XRCC1: variants seen among roughly 807,000 people sequenced by gnomAD.
XRCC1 encodes X-ray repair cross complementing 1.
Under a neutral mutation model 83.3 loss-of-function variants are expected in XRCC1, and 52 were observed. The observed-to-expected ratio is 0.62, with a 90% CI of 0.50 to 0.79. The LOEUF is 0.79. XRCC1 is among the 30% of genes least tolerant of loss of function. The pLI is 0.00. For missense variants in XRCC1, 793 were observed against 823.5 expected, an observed-to-expected ratio of 0.96 and a Z score of 0.45; for synonymous variants, 281 against 312.6, an observed-to-expected ratio of 0.90 and a Z score of 1.07.
rs768874981 is a variant in XRCC1, at chr19:43,553,398, C to T, written c.601+3G>A. On this transcript the variant is annotated splice_donor_region_variant and intron_variant, in intron 6 of 16. Transcript: ENST00000262887. ...ACTCAGGACCCACGTTGTCCGAGCT[C>T]ACCTGGGGATGTCTTGTTGATCCGG... The T allele has an allele frequency of 1.9e-6, 3 of 1,613,926 alleles. No homozygotes were observed. The highest frequency in any genetic ancestry group is 2.5e-6 in the Non-Finnish European group (3 of 1,179,948).
intron 14 of XRCC1, among the ~76,000 whole-genome samples, 192 bp from the exon 15 acceptor site, chr19:43,544,426 G>A (rs1600039839): frequency 1.3e-5 from 2 of 152,204 alleles, no homozygotes; most frequent in Middle Eastern, 3.4e-3. Flanking sequence ...TGGTTGGTTG[G>A]TTTGCTTTAA....
chr19:43,553,357 G>T (rs767048274), intron 6 of XRCC1, 44 bp downstream of exon 6: 15 of 1,600,460 alleles, frequency 9.4e-6, no homozygotes, highest in Non-Finnish European at 1.3e-5. Flanking sequence ...CACGAGTCTA[G>T]GTCTCAACCC....
intron 3 of XRCC1, 168 bp from the exon 4 acceptor site, chr19:43,554,972 GTCCT>G: frequency 1.5e-6 from 1 of 646,772 alleles, no homozygotes; most frequent in Non-Finnish European, 2.5e-6. Flanking sequence ...CCTTGAGTCA[GTCCT>G]GCCCTGACAC....
intron 2 of XRCC1, among the ~76,000 whole-genome samples, chr19:43,572,288 C>T (rs919135701): frequency 1.3e-5 from 2 of 149,954 alleles, no homozygotes; most frequent in African/African-American, 4.9e-5. Flanking sequence ...AAATCCCTCC[C>T]TCTACACAAA....
intron 2 of XRCC1, among the ~76,000 whole-genome samples, chr19:43,565,742 C>T (rs1436653828): frequency 6.6e-6 from 1 of 152,118 alleles, no homozygotes; most frequent in Non-Finnish European, 1.5e-5. Flanking sequence ...TCGAGACCAG[C>T]CTGGCCAACA....
intron 4 of XRCC1, 149 bp downstream of exon 4, chr19:43,554,497 T>C: frequency 9.6e-7 from 1 of 1,040,376 alleles, no homozygotes; most frequent in Non-Finnish European, 1.4e-6. Flanking sequence ...CCCAAACCCA[T>C]TTCAGGGAAC....
chr19:43,559,767 T>A (rs1415342971), intron 3 of XRCC1, among the ~76,000 whole-genome samples: 1 of 151,994 alleles, frequency 6.6e-6, no homozygotes, highest in Non-Finnish European at 1.5e-5. Flanking sequence ...GTAGGCCAAG[T>A]GTCATCATAA....
At chr19:43,567,460 C>T (rs982289692) in intron 2 of XRCC1, among the ~76,000 whole-genome samples, 1 of 151,984 alleles carries the variant, frequency 6.6e-6, no homozygotes. Flanking sequence ...TACAGGCACG[C>T]ACCACCACCC....
rs561948397 is a variant in XRCC1 at position 43,544,303 on chromosome 19, C to T, written c.1622-69G>A. The T allele has an allele frequency of 1.2e-5, 16 of 1,372,156 alleles. No homozygotes were observed. The East Asian group carries it at 3.2e-4, about 27-fold the overall frequency. The allele number at this position is 1,372,156 out of a possible 1,614,324, so 85.0% of individuals were successfully genotyped here. A position where few individuals can be genotyped will look rare whatever the true frequency, so the allele number is the denominator to read the frequency against. On this transcript the variant is annotated intron_variant, in intron 14 of 16. Transcript: ENST00000262887. ...GTTCCCAGGCACCAAACAGGAGTGA[C>T]GAGGCTGACCCAGCAGCTGAGGAGA...
intron 2 of XRCC1, among the ~76,000 whole-genome samples, chr19:43,571,462 T>C (rs1294814772): frequency 6.6e-6 from 1 of 152,180 alleles, no homozygotes; most frequent in African/African-American, 2.4e-5. Flanking sequence ...ACTGACTCAT[T>C]TGTCAGTCTT....
At chr19:43,567,559 G>A (rs911970658) in intron 2 of XRCC1, among the ~76,000 whole-genome samples, 14 of 152,212 alleles carry the variant, frequency 9.2e-5, no homozygotes, top group African/African-American at 2.9e-4. Flanking sequence ...CAATCCACCC[G>A]CCTTGGCCTC....
chr19:43,551,635 G>A lies in XRCC1; in HGVS notation c.1135C>T (p.Arg379Cys), dbSNP rs753502477. The A allele has an allele frequency of 1.4e-5, 22 of 1,614,102 alleles. No individual in the cohort carries two copies. The highest frequency in any genetic ancestry group is 2.2e-5 in the East Asian group (1 of 44,888). Residue 379 changes from arginine to cysteine, a missense_variant, in exon 10 of 17, where the codon CGC (arginine) becomes TGC (cysteine). Coordinates refer to ENST00000262887, the MANE Select transcript of XRCC1 (RefSeq NM_006297.3). The part of the protein sequence containing the change: ...KYSQVLGLGG[R>C]IVRKEWVLDC... ...AGCACCCACTCCTTACGCACGATGCGGCCTCCCAGGCCTAGGACCTGGCTG... is the reference window on the plus strand; with the variant it reads ...AGCACCCACTCCTTACGCACGATGCAGCCTCCCAGGCCTAGGACCTGGCTG...
At chr19:43,562,058 A>G (rs1364497326) in intron 2 of XRCC1, among the ~76,000 whole-genome samples, 1 of 150,424 alleles carries the variant, frequency 6.6e-6, no homozygotes, top group Non-Finnish European at 1.5e-5. Flanking sequence ...AGGCACAAGA[A>G]TCTCTTGAAC....
intron 4 of XRCC1, among the ~76,000 whole-genome samples, chr19:43,554,168 T>C (rs1972611746): frequency 6.6e-6 from 1 of 152,182 alleles, no homozygotes. Flanking sequence ...CTTTAGTGTG[T>C]GGCATCATCA....
chr19:43,544,512 CTT>C (rs535098707), intron 14 of XRCC1, among the ~76,000 whole-genome samples: 1 of 145,906 alleles, frequency 6.9e-6, no homozygotes. Flanking sequence ...CTCTCTCTCT[CTT>C]TTTTTTTTTT....
intron 2 of XRCC1, chr19:43,574,669 G>A (rs2146076305): frequency 2.0e-6 from 1 of 493,024 alleles, no homozygotes; most frequent in East Asian, 3.3e-5. Flanking sequence ...CTGGAACCCA[G>A]AAAGTAGATG....
At chr19:43,570,169 G>A (rs1443254098) in intron 2 of XRCC1, among the ~76,000 whole-genome samples, 1 of 152,196 alleles carries the variant, frequency 6.6e-6, no homozygotes, top group Non-Finnish European at 1.5e-5. Flanking sequence ...CGAACTGAGT[G>A]ATTAGAAAAC....
In XRCC1 at chr19:43,543,599, C is replaced by G. The variant is rs1972477587; in HGVS notation, c.1788+13G>C. ...TGCCCGGGTCTCCCATTCTCTGCCT[C>G]TTTGGTACTCACCTCCTCAAAGCTG... On this transcript the variant is annotated intron_variant, in intron 16 of 16. Coordinates refer to ENST00000262887, the MANE Select transcript of XRCC1 (RefSeq NM_006297.3). 6.2e-7 allele frequency: 1 copy of G among 1,614,002 alleles called. No homozygotes were observed. The highest frequency in any genetic ancestry group is 8.5e-7 in the Non-Finnish European group (1 of 1,180,004).
In XRCC1 at chr19:43,551,999, A is replaced by C. The variant is rs1448239848; in HGVS notation, c.1082+18T>G. 1 of 1,611,888 alleles carries C rather than the reference A, an allele frequency of 6.2e-7. No individual in the cohort carries two copies. Among genetic ancestry groups the C allele is most frequent in the African/African-American group, 1.3e-5 (1 of 74,934 alleles). On this transcript the variant is annotated intron_variant, in intron 9 of 16. Transcript: ENST00000262887. ...GGGGAGAAACTGCAGCGGCGCAGGG[A>C]GGGGGGCGCAAGCCTACATGAGGTG...
Sources: allele counts gnomAD v4.1 joint callset (sites outside exome capture counted in the v4.1 genomes callset), GRCh38; gene constraint gnomAD v4.1.1; transcripts MANE v1.5; gene names NCBI Gene and HGNC (gene_info 2026-07-23, HGNC 2026-07-21).